The following TTN variants were observed in gnomAD, a reference collection of about 807,000 sequenced individuals.
TTN encodes the protein titin.
Under a neutral mutation model 3,223.0 loss-of-function variants are expected in TTN, and 1,525 were observed. The observed-to-expected ratio is 0.47, with a 90% CI of 0.45 to 0.49. The LOEUF is 0.49. TTN is among the 20% of genes least tolerant of loss of function. The pLI, the probability that TTN is intolerant of heterozygous loss-of-function variation, is 0.00. For missense variants in TTN, 40,786 were observed against 43,424.0 expected (o/e 0.94, Z 5.40); for synonymous variants, 14,094 against 15,161.0 (o/e 0.93, Z 5.17).
chr2:178,677,093 G>T, intron 147 of TTN, 108 bp downstream of exon 147: 1 of 587,704 alleles, frequency 1.7e-6, no homozygotes, highest in Non-Finnish European at 2.3e-6. Context: ...ATATGTAACT[G>T]TGTGATTATC....
chr2:178,710,604 T>G lies in TTN; in HGVS notation c.28462+31A>C, dbSNP rs753946429. ...GGCTATACTACAAAATGATTACACT[T>G]TTGTTGGACCACTTGCAAAATAAAC... On this transcript the variant is annotated intron_variant, in intron 98 of 362. Coordinates refer to ENST00000589042, the MANE Select transcript of TTN (RefSeq NM_001267550.2). 3 of 1,583,064 alleles carry G rather than the reference T, an allele frequency of 1.9e-6. No homozygotes were observed. In the East Asian group the frequency reaches 6.8e-5, roughly 36 times the overall value.
chr2:178,675,067 AGG>A lies in TTN; in HGVS notation c.34582_34583del (p.Pro11528Ter). On this transcript the variant is annotated frameshift_variant, in exon 150 of 363. Transcript: ENST00000589042. LOFTEE classifies it high-confidence loss of function. ...KKVEEKRIIL[P>X]KEEEVLPVEV... is the part of the protein sequence containing the mutation. The stretch of plus-strand genomic sequence containing the variant: ...CAACTGGTAGAACTTCCTCTTCTTT[AGG>A]GAGAATGATTCGTTTTTCTTCCACC... 6.4e-7 allele frequency: 1 copy of A among 1,554,822 alleles called. No homozygotes were observed. The highest frequency in any genetic ancestry group is 2.5e-5 in the East Asian group (1 of 39,986).
At chr2:178,789,758 G>C (rs1035380964) in intron 12 of TTN, among the ~76,000 whole-genome samples, 1 of 152,106 alleles carries the variant, frequency 6.6e-6, no homozygotes, top group Non-Finnish European at 1.5e-5. Flanking sequence ...TTCATGCAAA[G>C]AATAATGGTG....
rs1283065145 is a variant in TTN at position 178,636,848 on chromosome 2, A to C, written c.40928-49T>G. The C allele has an allele frequency of 3.3e-6, 5 of 1,507,514 alleles. No individual in the cohort carries two copies. In the South Asian group the frequency reaches 6.9e-5, roughly 21 times the overall value. 93.4% of individuals were successfully genotyped at this position (1,507,514 alleles called of 1,614,324 possible). ...TTGATTTGGCATCTCCTTAGGAGTC[A>C]GAAAGTTCATACTTGGCTGCCTGCT... On this transcript the variant is annotated intron_variant, in intron 224 of 362. Coordinates refer to ENST00000589042, the MANE Select transcript of TTN (RefSeq NM_001267550.2). This position sits in a 1 kb window ranked among gnomAD's most constrained non-coding sequence, Gnocchi z 4.3.
intron 150 of TTN, 33 bp from the exon 151 acceptor site, chr2:178,674,442 T>TG: frequency 1.6e-6 from 2 of 1,274,292 alleles, no homozygotes; most frequent in Non-Finnish European, 2.1e-6. Flanking sequence ...TAAATTATTT[T>TG]TATAATTATT....
At position 178,618,359 on chromosome 2, in the gene TTN, T is replaced by C; in HGVS notation, c.47099A>G (p.Lys15700Arg). The change falls in exon 252 of 363, where the codon AAG becomes AGG. Residue 15700 changes from lysine to arginine, a missense_variant. Lys to Arg is a conservative substitution (Grantham distance 26, BLOSUM62 2). Coordinates refer to ENST00000589042, the MANE Select transcript of TTN (RefSeq NM_001267550.2). The stretch of plus-strand genomic sequence containing the variant: ...TGTGGCCAGAACCCAGGTCTTTCTC[T>C]TAATGTCACGTCTTTCAACAACGTA... ...IGYVVERRDI[K>R]RKTWVLATDR... The C allele has an allele frequency of 6.2e-7, 1 of 1,612,626 alleles. No homozygotes were observed. The highest frequency in any genetic ancestry group is 8.5e-7 in the Non-Finnish European group (1 of 1,179,118).
rs190398670 is a variant in TTN at position 178,532,570 on chromosome 2, C to T, written c.104045G>A (p.Arg34682His). 8.7e-6 allele frequency: 14 copies of T among 1,613,954 alleles called. No individual in the cohort carries two copies. The highest frequency in any genetic ancestry group is 2.7e-5 in the African/African-American group (2 of 75,032). Residue 34682 changes from arginine (R) to histidine (H), a missense_variant, in exon 358 of 363, where the codon CGT (arginine) becomes CAT (histidine). Arg to His is a conservative substitution (Grantham distance 29). Transcript: ENST00000589042. ...AMKRTEEERL[R>H]LEEELELGFS... The stretch of plus-strand genomic sequence containing the variant: ...ACCTAACTCAAGCTCTTCTTCAAGA[C>T]GCAGCCTCTCTTCCTCTGTTCTTTT...
chr2:178,682,927 A>G, intron 134 of TTN, 24 bp from the exon 135 acceptor site: 1 of 1,559,804 alleles, frequency 6.4e-7, no homozygotes, highest in Admixed American at 2.0e-5. Flanking sequence ...AACAACAGGC[A>G]GCACTTTACT....
Position 178,601,898 on chromosome 2 carries a change from A to G in TTN, c.55286T>C (p.Ile18429Thr). The change falls in exon 285 of 363, where the codon ATA becomes ACA. Residue 18429 changes from isoleucine (I) to threonine (T), a missense_variant. By Grantham distance (89) the Ile-to-Thr change is moderately conservative. Transcript: ENST00000589042. ...KKAMKDGVHD[I>T]PEDAQLETAE... ...TTTTTTTACCTGTGCATCTTCGGGT[A>G]TGTCATGAACTCCATCCTATTAGAA... is the stretch of plus-strand genomic sequence containing the variant. 1 of 1,612,062 alleles carries G rather than the reference A, an allele frequency of 6.2e-7. No individual in the cohort carries two copies. The highest frequency in any genetic ancestry group is 1.1e-5 in the South Asian group (1 of 90,786).
intron 256 of TTN, 36 bp downstream of exon 256, chr2:178,616,693 C>T (rs1269196995): frequency 6.2e-7 from 1 of 1,611,768 alleles, no homozygotes; most frequent in South Asian, 1.1e-5. Context: ...TTAATACTGC[C>T]AAATCACCTT....
Position 178,739,917 on chromosome 2 carries a change from A to C in TTN, c.13316T>G (p.Ile4439Ser). Residue 4439 changes from isoleucine to serine, a missense_variant, in exon 48 of 363, where the codon ATC (isoleucine) becomes AGC (serine). Physicochemically the swap from Ile to Ser is moderately radical, Grantham distance 142 (BLOSUM62 -2). Coordinates refer to ENST00000589042, the MANE Select transcript of TTN (RefSeq NM_001267550.2). Reference protein sequence around the residue: ...AVNITQEPRHIMCMYLVTSAK... With the variant: ...AVNITQEPRHSMCMYLVTSAK... Reference sequence around the variant, plus strand: ...CGAAGTAACAAGGTACATGCACATGATGTGTCTGGGCTCTTGGGTGATGTT... The same window carrying C: ...CGAAGTAACAAGGTACATGCACATGCTGTGTCTGGGCTCTTGGGTGATGTT... 6.2e-7 allele frequency: 1 copy of C among 1,613,850 alleles called. No homozygotes were observed. Among genetic ancestry groups the C allele is most frequent in the Non-Finnish European group, 8.5e-7 (1 of 1,179,820 alleles).
In TTN at chr2:178,541,378, C is replaced by T. The variant is rs1488089891; in HGVS notation, c.97699G>A (p.Gly32567Ser). The change falls in exon 350 of 363, where the codon GGC becomes AGC. Residue 32567 changes from glycine (G) to serine (S), a missense_variant. Physicochemically the swap from Gly to Ser is moderately conservative, Grantham distance 56. Coordinates refer to ENST00000589042, the MANE Select transcript of TTN (RefSeq NM_001267550.2). ...GTGACACGGTGTTCATATTCTAAGC[C>T]TTCAGTAAGGCCAGTGGAGCGGTAC... is the stretch of plus-strand genomic sequence containing the variant. ...TRYRSTGLTE[G>S]LEYEHRVTAI... 2 of 1,608,966 alleles carry T rather than the reference C, an allele frequency of 1.2e-6. No individual in the cohort carries two copies. Among genetic ancestry groups the T allele is most frequent in the South Asian group, 1.1e-5 (1 of 90,014 alleles).
In TTN at chr2:178,589,424, T is replaced by G; in HGVS notation, c.62301A>C (p.Gln20767His). The G allele has an allele frequency of 6.2e-7, 1 of 1,613,466 alleles. No homozygotes were observed. The highest frequency in any genetic ancestry group is 8.5e-7 in the Non-Finnish European group (1 of 1,179,636). The change falls in exon 304 of 363, where the codon CAA becomes CAC. Residue 20767 changes from glutamine (Q) to histidine (H), a missense_variant. Transcript: ENST00000589042. ...TEEVVVKEDL[Q>H]KPVLDLKLSG... Reference sequence around the variant, plus strand: ...TTAATTTCAGATCAAGTACTGGTTTTTGTAAGTCTTCTTTCACAACAACTT... The same window carrying G: ...TTAATTTCAGATCAAGTACTGGTTTGTGTAAGTCTTCTTTCACAACAACTT...
Position 178,617,393 on chromosome 2 carries a change from G to A in TTN, c.47692C>T (p.Arg15898Ter), listed in dbSNP as rs775186117. ...GSPILGYIIERCEEGKDNWIR... is the reference protein window; with the variant it reads ...GSPILGYIIE Reference sequence around the variant, plus strand: ...CAATTATCTTTTCCTTCTTCGCATCGCTCAATTATATAGCCTAATATTGGG... The same window carrying A: ...CAATTATCTTTTCCTTCTTCGCATCACTCAATTATATAGCCTAATATTGGG... Residue 15898 changes from arginine (R) to a stop codon, truncating the protein, a stop_gained, in exon 254 of 363, where the codon CGA becomes TGA. Transcript: ENST00000589042. LOFTEE classifies it high-confidence loss of function. The A allele has an allele frequency of 1.9e-6, 3 of 1,589,510 alleles. No individual in the cohort carries two copies. The highest frequency in any genetic ancestry group is 2.3e-5 in the East Asian group (1 of 44,204).
rs748958021 is a variant in TTN, at chr2:178,757,561, T to C, written c.10659A>G (p.Thr3553=). The C allele has an allele frequency of 5.1e-5, 81 of 1,584,562 alleles. No homozygotes were observed. Among genetic ancestry groups the C allele is most frequent in the Admixed American group, 4.3e-4 (25 of 57,700 alleles). The part of the protein sequence containing the change: ...NSAGEATCAA[T]LTVTPKVQAL... ...CTTTACCTTTTGGAGTCACTGTGAG[T>C]GTAGCTGCACAAGTGGCTTCCCCAG... The change falls in exon 45 of 363, where the codon ACA becomes ACG. Residue 3553 remains threonine (T), a synonymous_variant. Coordinates refer to ENST00000589042, the MANE Select transcript of TTN (RefSeq NM_001267550.2).
At position 178,601,127 on chromosome 2, in the gene TTN, T is replaced by C; in HGVS notation, c.55777A>G (p.Lys18593Glu). The change falls in exon 288 of 363, where the codon AAG becomes GAG. Residue 18593 changes from lysine (K) to glutamate (E), a missense_variant. Transcript: ENST00000589042. ...TTCCATGACAGATGCACTGTGTTCTTTGTGATGAGGCCAATCTTGAGTTTA... is the reference window on the plus strand; with the variant it reads ...TTCCATGACAGATGCACTGTGTTCTCTGTGATGAGGCCAATCTTGAGTTTA... ...PIKLKIGLIT[K>E]NTVHLSWKPP... The C allele has an allele frequency of 6.4e-7, 1 of 1,568,180 alleles. No individual in the cohort carries two copies. Among genetic ancestry groups the C allele is most frequent in the South Asian group, 1.2e-5 (1 of 82,176 alleles).
intron 330 of TTN, chr2:178,555,856 C>G (rs1186425376): frequency 6.6e-6 from 1 of 152,262 alleles, no homozygotes; most frequent in Admixed American, 6.5e-5. Context: ...ATACCTGACT[C>G]TCATGACGTT....
At position 178,591,496 on chromosome 2, in the gene TTN, A is replaced by T. The variant is rs1393426814; in HGVS notation, c.60229T>A (p.Ser20077Thr). The T allele has an allele frequency of 6.3e-7, 1 of 1,585,666 alleles. No individual in the cohort carries two copies. Among genetic ancestry groups the T allele is most frequent in the Admixed American group, 1.9e-5 (1 of 51,864 alleles). ...IECQEKLVPP[S>T]VELDVKLIEG... ...ATTAATTTCACATCTAGCTCCACGG[A>T]TGGAGGCACTGAAAAGTAAACATGA... The change falls in exon 304 of 363, where the codon TCC (serine) becomes ACC (threonine). Residue 20077 changes from serine to threonine, a missense_variant. Transcript: ENST00000589042.
intron 47 of TTN, chr2:178,750,161 T>C (rs745761599): frequency 6.2e-7 from 1 of 1,613,180 alleles, no homozygotes; most frequent in Non-Finnish European, 8.5e-7. Context: ...CAAATGAAGA[T>C]TTGTTTGGCC....
Sources: gnomAD v4.1 joint callset for allele counts (sites outside exome capture counted in the v4.1 genomes callset) on GRCh38, gnomAD v4.1.1 for gene constraint, Gnocchi (gnomAD v3.1) non-coding constraint, MANE v1.5 for transcripts, NCBI Gene and HGNC (gene_info 2026-07-23, HGNC 2026-07-21) for gene names.